Variants in DNAH17 observed in about 807,000 individuals in gnomAD.
DNAH17 encodes axonemal beta dynein heavy chain 17.
In DNAH17, 376 loss-of-function variants were observed where a neutral mutation model predicts 485.6. That is an observed-to-expected ratio of 0.77 (90% CI 0.71 to 0.84). The LOEUF (loss-of-function observed/expected upper bound fraction) is 0.84, where lower values mean the gene tolerates loss of function less well. Ranked by LOEUF, DNAH17 falls within the 40% of genes least tolerant of loss-of-function variation. The pLI, the probability that DNAH17 is intolerant of heterozygous loss-of-function variation, is 0.00. For synonymous variants in DNAH17, 3,031 were observed against 2,405.9 expected, an observed-to-expected ratio of 1.26 and a Z score of -7.60; for missense variants, 6,370 against 5,839.3, an observed-to-expected ratio of 1.09 and a Z score of -2.96.
chr17:78,461,760 G>A lies in DNAH17; in HGVS notation c.9175-52C>T, dbSNP rs144539957. ...CAAGTGTGGGCCGCAGCCGACACAC[G>A]CCGCCCTGCACTGGGCAGACGAGGG... On this transcript the variant is annotated intron_variant, in intron 57 of 80. Coordinates refer to ENST00000389840, the MANE Select transcript of DNAH17 (RefSeq NM_173628.4). The A allele has an allele frequency of 3.4e-4, 525 of 1,563,172 alleles. 1 individual carries two copies. In the African/African-American group the frequency reaches 5.1e-3, roughly 15 times the overall value.
intron 73 of DNAH17, 113 bp from the exon 74 acceptor site, chr17:78,437,981 C>T (rs2086907535): frequency 1.4e-6 from 1 of 739,552 alleles, no homozygotes; most frequent in Admixed American, 2.7e-5. Flanking sequence ...TGCCAGCACC[C>T]CACACTTGCC....
Position 78,458,871 on chromosome 17 carries a change from G to A in DNAH17, c.9861+130C>T. 6 of 1,136,318 alleles carry A rather than the reference G, an allele frequency of 5.3e-6. No individual in the cohort carries two copies. In the South Asian group the frequency reaches 5.4e-5, roughly 10 times the overall value. The allele number at this position is 1,136,318 out of a possible 1,614,324, so 70.4% of individuals were successfully genotyped here. On this transcript the variant is annotated intron_variant, in intron 61 of 80. Transcript: ENST00000389840. Reference sequence around the variant, plus strand: ...CACCATCTGGCCCCTGCCTCTGCCTGCATCCTCTTGCACTGCTGAATAATT... The same window carrying A: ...CACCATCTGGCCCCTGCCTCTGCCTACATCCTCTTGCACTGCTGAATAATT...
intron 56 of DNAH17, among the ~76,000 whole-genome samples, chr17:78,465,447 G>A (rs2088379147): frequency 6.8e-6 from 1 of 147,736 alleles, no homozygotes; most frequent in African/African-American, 2.5e-5. Context: ...AAAGTGAGGA[G>A]CGTCTCCGCC....
intron 48 of DNAH17, among the ~76,000 whole-genome samples, chr17:78,481,443 G>A (rs915091115): frequency 1.3e-5 from 2 of 152,130 alleles, no homozygotes; most frequent in African/African-American, 4.8e-5. Flanking sequence ...GTGACTTCAT[G>A]CTCTCCAGAG....
At chr17:78,484,739 A>ACCCCCCAGCCCC in intron 48 of DNAH17, 129 bp downstream of exon 48, 8 of 347,792 alleles carry the variant, frequency 2.3e-5, no homozygotes, top group East Asian at 1.2e-4. Context: ...ACGTTGCAGC[A>ACCCCCCAGCCCC]CCCCCCCCAC....
At chr17:78,520,120 A>AT (rs1391149699) in intron 25 of DNAH17, among the ~76,000 whole-genome samples, 1 of 152,026 alleles carries the variant, frequency 6.6e-6, no homozygotes, top group Non-Finnish European at 1.5e-5. Flanking sequence ...TCAAGAAAAA[A>AT]AAAGTCAGTG....
In DNAH17 at chr17:78,514,857, T is replaced by A. The variant is rs780752246; in HGVS notation, c.4030A>T (p.Ile1344Phe). The change falls in exon 26 of 81, where the codon ATC (isoleucine) becomes TTC (phenylalanine). Residue 1344 changes from isoleucine (I) to phenylalanine (F), a missense_variant. Ile to Phe is a conservative substitution (Grantham distance 21). Coordinates refer to ENST00000389840, the MANE Select transcript of DNAH17 (RefSeq NM_173628.4). ...VGLDNTVKNV[I>F]TSLRAVSELQ... ...TCGCTCACGGCACGCAGGGACGTGATCACGTTTTTCACGGTGTTGTCGAGC... is the reference window on the plus strand; with the variant it reads ...TCGCTCACGGCACGCAGGGACGTGAACACGTTTTTCACGGTGTTGTCGAGC... The A allele has an allele frequency of 1.2e-6, 2 of 1,614,036 alleles. No individual in the cohort carries two copies. The highest frequency in any genetic ancestry group is 2.2e-5 in the South Asian group (2 of 91,088).
intron 57 of DNAH17, 30 bp from the exon 58 acceptor site, chr17:78,461,738 G>A (rs754436858): frequency 3.8e-6 from 6 of 1,594,706 alleles, no homozygotes; most frequent in Admixed American, 1.7e-5. Flanking sequence ...GAAACAGCAA[G>A]TGTGGGCCGC....
intron 34 of DNAH17, 115 bp downstream of exon 34, chr17:78,501,627 C>A: frequency 7.0e-7 from 1 of 1,435,850 alleles, no homozygotes; most frequent in Non-Finnish European, 9.4e-7. Context: ...CAGCCAGCAA[C>A]AGAGTCAGTG....
chr17:78,511,898 T>C (rs2090645051), intron 26 of DNAH17, among the ~76,000 whole-genome samples: 1 of 152,196 alleles, frequency 6.6e-6, no homozygotes, highest in African/African-American at 2.4e-5. Flanking sequence ...CCGGGAAATT[T>C]TTTGTCTCAA....
At chr17:78,450,471 C>A (rs1230260355) in intron 67 of DNAH17, 77 bp from the exon 68 acceptor site, 3 of 1,567,100 alleles carry the variant, frequency 1.9e-6, no homozygotes, top group Non-Finnish European at 2.6e-6. Context: ...TTCCCAGCCA[C>A]CAGCCTCGCT....
chr17:78,516,789 G>T (rs1347554795), intron 25 of DNAH17, among the ~76,000 whole-genome samples: 1 of 151,868 alleles, frequency 6.6e-6, no homozygotes, highest in African/African-American at 2.4e-5. Flanking sequence ...TTCTGTTAAG[G>T]CCTGGCTGTA....
rs771626308 is a variant in DNAH17 at position 78,484,850 on chromosome 17, G to A, written c.7649+18C>T. 5.5e-5 allele frequency: 82 copies of A among 1,492,292 alleles called. 1 individual carries two copies. The South Asian group carries it at 7.8e-4, about 14-fold the overall frequency. 92.4% of individuals were successfully genotyped at this position (1,492,292 alleles called of 1,614,324 possible). A position where few individuals can be genotyped will look rare whatever the true frequency, so the allele number is the denominator to read the frequency against. ...GCCCCGGGGCCACGCCTTCCCCTCC[G>A]GCCCCGCCCCGTCTAACCAGTGCCG... On this transcript the variant is annotated intron_variant, in intron 48 of 80. Coordinates refer to ENST00000389840, the MANE Select transcript of DNAH17 (RefSeq NM_173628.4).
chr17:78,471,006 T>C (rs1471268656), intron 54 of DNAH17, among the ~76,000 whole-genome samples: 1 of 152,242 alleles, frequency 6.6e-6, no homozygotes, highest in Non-Finnish European at 1.5e-5. Flanking sequence ...TATATATATG[T>C]TCAGAAATGC....
At chr17:78,526,548 C>T (rs910968141) in intron 24 of DNAH17, 103 bp downstream of exon 24, 5 of 1,004,558 alleles carry the variant, frequency 5.0e-6, no homozygotes, top group South Asian at 3.3e-5. Context: ...AAGGTCAGTC[C>T]GGCGGAGACC....
At chr17:78,450,588 T>G in intron 67 of DNAH17, 94 bp downstream of exon 67, 1 of 1,495,930 alleles carries the variant, frequency 6.7e-7, no homozygotes, top group Non-Finnish European at 9.0e-7. Context: ...CCGAAGCTGC[T>G]TTTCTCCTTT....
intron 33 of DNAH17, chr17:78,502,125 G>C (rs1051213783): frequency 1.9e-6 from 1 of 520,496 alleles, no homozygotes; most frequent in Non-Finnish European, 3.4e-6. Flanking sequence ...GGGTGGATGA[G>C]AAGCAAAAAC....
intron 15 of DNAH17, among the ~76,000 whole-genome samples, chr17:78,552,172 A>G (rs1334147359): frequency 6.6e-6 from 1 of 152,060 alleles, no homozygotes; most frequent in Non-Finnish European, 1.5e-5. Context: ...TGGACCCTTC[A>G]CCCCACGTAG....
chr17:78,566,420 G>A (rs578004634), intron 11 of DNAH17, among the ~76,000 whole-genome samples, 194 bp downstream of exon 11: 3 of 152,268 alleles, frequency 2.0e-5, no homozygotes, highest in South Asian at 4.1e-4. Context: ...TCTAGGATGT[G>A]GCAGTAAGAA....
Sources: gnomAD v4.1 joint callset for allele counts (sites outside exome capture counted in the v4.1 genomes callset) on GRCh38, gnomAD v4.1.1 for gene constraint, MANE v1.5 for transcripts, NCBI Gene and HGNC (gene_info 2026-07-23, HGNC 2026-07-21) for gene names.